The following POLR1B variants were observed in gnomAD, a reference collection of about 807,000 sequenced individuals.
POLR1B encodes the protein RNA polymerase I subunit B.
Under a neutral mutation model 105.8 loss-of-function variants are expected in POLR1B, and 30 were observed. The ratio of observed to expected loss-of-function variants is 0.28; its 90% CI spans 0.21 to 0.38. The LOEUF (loss-of-function observed/expected upper bound fraction) is 0.38. POLR1B is among the 10% of genes least tolerant of loss of function. The pLI is 1.00. For missense variants in POLR1B, 976 were observed against 1,435.8 expected, an observed-to-expected ratio of 0.68 and a Z score of 5.17; for synonymous variants, 485 against 505.1, an observed-to-expected ratio of 0.96 and a Z score of 0.53.
intron 1 of POLR1B, 118 bp downstream of exon 1, chr2:112,542,789 G>T: frequency 7.6e-7 from 1 of 1,315,672 alleles, no homozygotes; most frequent in Middle Eastern, 2.6e-4. Flanking sequence ...GGCTTGGTGG[G>T]TAAGCGGGAG....
In POLR1B at chr2:112,578,564, T is replaced by G. The variant is rs945792161; in HGVS notation, c.*2835T>G. On this transcript the variant is annotated 3_prime_UTR_variant, in exon 15 of 15. Transcript: ENST00000263331. The stretch of plus-strand genomic sequence containing the variant: ...ACTATGTACATAGCATATATATTTA[T>G]AGTTTAACCATTCACCTTGAACATT... 2.0e-5 allele frequency among the ~76,000 whole-genome samples: 3 copies of G among 152,210 alleles called. No individual in the cohort carries two copies. Among genetic ancestry groups the G allele is most frequent in the Admixed American group, 2.0e-4 (3 of 15,276 alleles).
At chr2:112,568,962 C>T (rs977981101) in intron 12 of POLR1B, 60 bp downstream of exon 12, 2 of 1,491,414 alleles carry the variant, frequency 1.3e-6, no homozygotes, top group African/African-American at 2.8e-5. Flanking sequence ...TACTAGCACA[C>T]TCTTTTATTG....
chr2:112,568,713 G>A (rs1250052200), intron 11 of POLR1B, 33 bp from the exon 12 acceptor site: 3 of 1,608,790 alleles, frequency 1.9e-6, no homozygotes, highest in African/African-American at 2.7e-5. Context: ...ACCAGTTGCA[G>A]TTATTTTGTG....
intron 1 of POLR1B, among the ~76,000 whole-genome samples, chr2:112,543,401 C>T (rs1232905230): frequency 6.6e-6 from 1 of 152,038 alleles, no homozygotes; most frequent in East Asian, 1.9e-4. Flanking sequence ...CAGTGCATGC[C>T]AATGTTCTTG....
chr2:112,543,711 G>A (rs1341354589), intron 1 of POLR1B, among the ~76,000 whole-genome samples: 1 of 152,040 alleles, frequency 6.6e-6, no homozygotes. Flanking sequence ...TTATTGTTTA[G>A]AAAGACTAGA....
Position 112,551,804 on chromosome 2 carries a change from CT to C in POLR1B, c.795del (p.Gln266ArgfsTer21), listed in dbSNP as rs1406034931. 1 of 1,613,782 alleles carries C rather than the reference CT, an allele frequency of 6.2e-7. No individual in the cohort carries two copies. Among genetic ancestry groups the C allele is most frequent in the Non-Finnish European group, 8.5e-7 (1 of 1,179,866 alleles). ...ALVSFSDYQIFQELIKGKEDD... is the reference protein window; with the variant it reads ...ALVSFSDYQIXQELIKGKEDD... ...TTGTCAGCTTTTCTGATTATCAGATCTTTCAGGAGCTCATCAAAGGAAAAGA... is the reference window on the plus strand; with the variant it reads ...TTGTCAGCTTTTCTGATTATCAGATCTTCAGGAGCTCATCAAAGGAAAAGA... On this transcript the variant is annotated frameshift_variant, in exon 6 of 15. Transcript: ENST00000263331. LOFTEE classifies it high-confidence loss of function.
chr2:112,562,172 T>C (rs1684024409), intron 9 of POLR1B, among the ~76,000 whole-genome samples: 2 of 152,192 alleles, frequency 1.3e-5, no homozygotes, highest in African/African-American at 4.8e-5. Context: ...TTGCTGCATG[T>C]TCTGAAATGA....
chr2:112,562,981 G>A (rs1355513413), intron 9 of POLR1B, among the ~76,000 whole-genome samples: 1 of 150,338 alleles, frequency 6.7e-6, no homozygotes, highest in Admixed American at 6.6e-5. Flanking sequence ...TGCCTGCCTC[G>A]GCCTCCCAAA....
At position 112,559,540 on chromosome 2, in the gene POLR1B, T is replaced by C; in HGVS notation, c.1578T>C (p.Tyr526=). ...AVCEVVTQFV[Y]TASIPALLCN... ...GTGAGGTTGTCACACAGTTTGTGTA[T>C]ACGGCATCTATTCCAGCTTTACTGT... The change falls in exon 9 of 15, where the codon TAT becomes TAC. Residue 526 remains tyrosine, a synonymous_variant. Coordinates refer to ENST00000263331, the MANE Select transcript of POLR1B (RefSeq NM_019014.6). 3 of 1,614,268 alleles carry C rather than the reference T, an allele frequency of 1.9e-6. No homozygotes were observed. Among genetic ancestry groups the C allele is most frequent in the Non-Finnish European group, 2.5e-6 (3 of 1,180,038 alleles).
chr2:112,570,263 G>C (rs1437242937), intron 12 of POLR1B, among the ~76,000 whole-genome samples: 2 of 152,004 alleles, frequency 1.3e-5, no homozygotes, highest in Non-Finnish European at 1.5e-5. Context: ...GGCCTGGCTG[G>C]TCTCAAACTC....
chr2:112,548,919 T>C (rs1412907720), intron 3 of POLR1B, among the ~76,000 whole-genome samples: 1 of 152,216 alleles, frequency 6.6e-6, no homozygotes, highest in African/African-American at 2.4e-5. Context: ...GCCCAGTTTT[T>C]ATCTTTCAAC....
intron 9 of POLR1B, among the ~76,000 whole-genome samples, chr2:112,562,835 C>T (rs1332798545): frequency 6.7e-6 from 1 of 148,840 alleles, no homozygotes; most frequent in Admixed American, 6.8e-5. Flanking sequence ...AAGTGATTCT[C>T]CTGCCTCAGC....
intron 12 of POLR1B, among the ~76,000 whole-genome samples, chr2:112,572,160 A>G (rs1248753152): frequency 2.0e-5 from 3 of 152,256 alleles, no homozygotes; most frequent in Non-Finnish European, 4.4e-5. Context: ...CTAATTACGT[A>G]ATAATTCCTA....
In POLR1B at chr2:112,557,922, G is replaced by A. The variant is rs1683752935; in HGVS notation, c.1171G>A (p.Gly391Ser). Residue 391 changes from glycine to serine, a missense_variant, in exon 8 of 15, where the codon GGT becomes AGT. By Grantham distance (56) the Gly-to-Ser change is moderately conservative. This residue lies in a region of POLR1B where 452 missense variants were observed against 616.5 expected (regional missense o/e 0.73). Transcript: ENST00000263331. ...FLMFLKEKLE[G>S]WLVSIKIAFD... ...TTCCTTATTTCAGGAAAAACTGGAA[G>A]GTTGGTTAGTGTCTATTAAAATAGC... The A allele has an allele frequency of 7.5e-7, 1 of 1,329,686 alleles. No individual in the cohort carries two copies. The highest frequency in any genetic ancestry group is 9.8e-7 in the Non-Finnish European group (1 of 1,021,356). The allele number at this position is 1,329,686 out of a possible 1,614,324, so 82.4% of individuals were successfully genotyped here. A position where few individuals can be genotyped will look rare whatever the true frequency, so the allele number is the denominator to read the frequency against.
At position 112,579,476 on chromosome 2, in the gene POLR1B, CTTTT is replaced by C. The variant is rs1009703025; in HGVS notation, c.*3753_*3756del. ...GACCAACCAGCATTTGGTGATGTCA[CTTTT>C]TTTTTAAGGCTAGTCAAGTGAAGCA... On this transcript the variant is annotated 3_prime_UTR_variant, in exon 15 of 15. Coordinates refer to ENST00000263331, the MANE Select transcript of POLR1B (RefSeq NM_019014.6). 1 of 151,106 alleles carries C rather than the reference CTTTT, an allele frequency of 6.6e-6. No homozygotes were observed. Among genetic ancestry groups the C allele is most frequent in the African/African-American group, 2.4e-5 (1 of 41,122 alleles). 9.4% of individuals were successfully genotyped at this position (151,106 alleles called of 1,614,324 possible).
intron 10 of POLR1B, among the ~76,000 whole-genome samples, chr2:112,567,026 C>T (rs552916787): frequency 2.0e-5 from 3 of 152,166 alleles, no homozygotes; most frequent in Non-Finnish European, 4.4e-5. Flanking sequence ...AATTTATTTT[C>T]ATTCTCTTTT....
upstream of POLR1B, chr2:112,542,120 C>A (rs1558649966): frequency 1.3e-6 from 2 of 1,535,580 alleles, no homozygotes; most frequent in East Asian, 2.4e-5. Flanking sequence ...CCTGAGAAGA[C>A]CGCTCTCCTC....
At chr2:112,555,186 A>C (rs901925140) in intron 7 of POLR1B, among the ~76,000 whole-genome samples, 1 of 150,638 alleles carries the variant, frequency 6.6e-6, no homozygotes, top group Non-Finnish European at 1.5e-5. Context: ...GTCTCCAAAA[A>C]AAACCTGTTA....
intron 9 of POLR1B, among the ~76,000 whole-genome samples, chr2:112,562,735 T>TC (rs1684060437): frequency 6.8e-6 from 1 of 147,594 alleles, no homozygotes; most frequent in Non-Finnish European, 1.5e-5. Flanking sequence ...TTTCTTTTTT[T>TC]TTTTTTTTTT....
Sources: gnomAD v4.1 joint callset for allele counts (sites outside exome capture counted in the v4.1 genomes callset) on GRCh38, gnomAD v4.1.1 for gene constraint, gnomAD v4.1.1 regional missense constraint, MANE v1.5 for transcripts, NCBI Gene and HGNC (gene_info 2026-07-23, HGNC 2026-07-21) for gene names.